TREH: variants seen among roughly 807,000 people sequenced by gnomAD.
TREH encodes alpha,alpha-trehalose glucohydrolase.
A neutral mutation model predicts 80.5 loss-of-function variants in TREH; 69 were observed. That is an observed-to-expected ratio of 0.86 (90% CI 0.71 to 1.05). The LOEUF is 1.05. TREH is among the 50% of genes least tolerant of loss of function. TREH has a pLI of 0.00. For synonymous variants in TREH, 309 were observed against 293.5 expected, an observed-to-expected ratio of 1.05 and a Z score of -0.54; for missense variants, 716 against 718.8, an observed-to-expected ratio of 1.00 and a Z score of 0.04.
At position 118,657,999 on chromosome 11, in the gene TREH, G is replaced by C. The variant is rs1457382119; in HGVS notation, c.*290C>G. On this transcript the variant is annotated 3_prime_UTR_variant, in exon 15 of 15. Coordinates refer to ENST00000264029, the MANE Select transcript of TREH (RefSeq NM_007180.3). ...GTTTTCAGTATTTGTAAGCATTTCA[G>C]CAGAACAATAAAGCCTTTGGACTAC... The C allele has an allele frequency of 4.7e-6, 2 of 424,584 alleles. No homozygotes were observed. The highest frequency in any genetic ancestry group is 2.0e-5 in the African/African-American group (1 of 51,120). 26.3% of individuals were successfully genotyped at this position (424,584 alleles called of 1,614,324 possible).
At chr11:118,659,298 TC>T in intron 12 of TREH, 71 bp downstream of exon 12, 2 of 1,304,676 alleles carry the variant, frequency 1.5e-6, no homozygotes. Context: ...TGTTCATGCC[TC>T]CCCAGCACCA....
rs2137267424 is a variant in TREH, at chr11:118,663,158, G to T, written c.229C>A (p.His77Asn). 6.2e-7 allele frequency: 1 copy of T among 1,613,592 alleles called. No homozygotes were observed. The highest frequency in any genetic ancestry group is 1.3e-5 in the African/African-American group (1 of 75,058). Residue 77 changes from histidine (H) to asparagine (N), a missense_variant, in exon 3 of 15, where the codon CAC becomes AAC. His to Asn is a moderately conservative substitution (Grantham distance 68). Transcript: ENST00000264029. ...TGCTCCCTGGGGATGCTGTGATTGT[G>T]GTCCCTGGACAGCTCAGTGAAGGTC... ...LQTFTELSRD[H>N]NHSIPREQLQ...
At chr11:118,676,541 G>C (rs1949480608) in intron 1 of TREH, among the ~76,000 whole-genome samples, 2 of 142,106 alleles carry the variant, frequency 1.4e-5, no homozygotes, top group South Asian at 4.7e-4. Flanking sequence ...GCCAAGGTGG[G>C]TGGATTGCTT....
intron 1 of TREH, among the ~76,000 whole-genome samples, chr11:118,665,179 T>C (rs997922630): frequency 1.3e-5 from 2 of 152,064 alleles, no homozygotes; most frequent in Admixed American, 1.3e-4. Flanking sequence ...TTGGTTGGAT[T>C]CCCCTAATTT....
chr11:118,658,830 C>T (rs1423387750), intron 13 of TREH, 75 bp downstream of exon 13: 6 of 1,606,714 alleles, frequency 3.7e-6, no homozygotes, highest in African/African-American at 2.7e-5. Context: ...CTCTGCCTGC[C>T]CAGCAGCCCC....
chr11:118,658,367 G>A lies in TREH; in HGVS notation c.1674C>T (p.Ala558=). ...DRYGDRLTSG[A]KLAFLEPHCL... ...AGTGGGGCTCCAGGAAAGCCAGCTTGGCCCCTGAGGTCAGCCGGTCACCAT... is the reference window on the plus strand; with the variant it reads ...AGTGGGGCTCCAGGAAAGCCAGCTTAGCCCCTGAGGTCAGCCGGTCACCAT... The change falls in exon 15 of 15, where the codon GCC becomes GCT. Residue 558 remains alanine, a synonymous_variant. Transcript: ENST00000264029. The A allele has an allele frequency of 6.2e-7, 1 of 1,606,856 alleles. No homozygotes were observed. The highest frequency in any genetic ancestry group is 8.5e-7 in the Non-Finnish European group (1 of 1,177,414).
At position 118,679,564 on chromosome 11, in the gene TREH, C is replaced by T; in HGVS notation, c.64G>A (p.Glu22Lys). The part of the protein sequence containing the change: ...LLLGLGLGSQ[E>K]ALPPPCESEI... ...CTCTCACAGGGTGGGGGTAGGGCCT[C>T]CTGGGACCCCAGTCCCAGCCCCAGC... is the stretch of plus-strand genomic sequence containing the variant. Residue 22 changes from glutamate to lysine, a missense_variant, in exon 1 of 15, where the codon GAG (glutamate) becomes AAG (lysine). Physicochemically the swap from Glu to Lys is moderately conservative, Grantham distance 56 (BLOSUM62 1). Transcript: ENST00000264029. 2 of 1,548,848 alleles carry T rather than the reference C, an allele frequency of 1.3e-6. No individual in the cohort carries two copies. Among genetic ancestry groups the T allele is most frequent in the East Asian group, 2.4e-5 (1 of 42,012 alleles).
Position 118,661,999 on chromosome 11 carries a change from G to C in TREH, c.424-9C>G. The C allele has an allele frequency of 3.2e-6, 5 of 1,548,772 alleles. No individual in the cohort carries two copies. In the East Asian group the frequency reaches 7.3e-5, roughly 23 times the overall value. On this transcript the variant is annotated splice_polypyrimidine_tract_variant and intron_variant, in intron 4 of 14. Transcript: ENST00000264029. The surrounding 1 kb of genome is among the most constrained non-coding windows in gnomAD (Gnocchi z 4.2). ...AGAACCTCTGGCTTCATCTGGAGTC[G>C]GGAGAGAGGGCAAGGGGAGCCTAGA...
Position 118,658,321 on chromosome 11 carries a change from G to A in TREH, c.1720C>T (p.Pro574Ser), listed in dbSNP as rs1555143713. The A allele has an allele frequency of 1.3e-6, 2 of 1,590,828 alleles. No individual in the cohort carries two copies. The highest frequency in any genetic ancestry group is 1.7e-6 in the Non-Finnish European group (2 of 1,169,686). ...GGCAGGAGGCTGAGCAGGAGGCTGG[G>A]CAGAAGGGTGGCCGCCAGGCAGTGG... ...EPHCLAATLLPSLLLSLLPW is the reference protein window; with the variant it reads ...EPHCLAATLLSSLLLSLLPW Residue 574 changes from proline (P) to serine (S), a missense_variant, in exon 15 of 15, where the codon CCC becomes TCC. Physicochemically the swap from Pro to Ser is moderately conservative, Grantham distance 74. Coordinates refer to ENST00000264029, the MANE Select transcript of TREH (RefSeq NM_007180.3).
chr11:118,679,516 TG>T, intron 1 of TREH, 22 bp downstream of exon 1: 1 of 1,472,960 alleles, frequency 6.8e-7, no homozygotes, highest in Non-Finnish European at 9.0e-7. Flanking sequence ...CATCCTCCCC[TG>T]CTGCCTTCCC....
chr11:118,667,300 T>C (rs1949386912), intron 1 of TREH, among the ~76,000 whole-genome samples: 1 of 152,146 alleles, frequency 6.6e-6, no homozygotes, highest in African/African-American at 2.4e-5. Flanking sequence ...CACCTCAGCC[T>C]CCTGAGTAGC....
At chr11:118,662,152 C>T (rs924645888) in intron 4 of TREH, among the ~76,000 whole-genome samples, 162 bp from the exon 5 acceptor site, 12 of 152,206 alleles carry the variant, frequency 7.9e-5, no homozygotes, top group African/African-American at 1.9e-4. Flanking sequence ...AAGGCCTGGC[C>T]GCTGGGAGCC....
At position 118,659,448 on chromosome 11, in the gene TREH, G is replaced by T; in HGVS notation, c.1354C>A (p.Pro452Thr). ...TGGCCTGTCTTCTGGAGAGAGGTCGGGATCCCATACTGGTAAGTCAGGATC... is the reference window on the plus strand; with the variant it reads ...TGGCCTGTCTTCTGGAGAGAGGTCGTGATCCCATACTGGTAAGTCAGGATC... ...NRILTYQYGI[P>T]TSLQKTGQQW... The change falls in exon 12 of 15, where the codon CCG becomes ACG. Residue 452 changes from proline (P) to threonine (T), a missense_variant. Transcript: ENST00000264029. The T allele has an allele frequency of 6.2e-7, 1 of 1,606,366 alleles. No homozygotes were observed. The highest frequency in any genetic ancestry group is 8.5e-7 in the Non-Finnish European group (1 of 1,176,080).
chr11:118,668,843 G>A (rs1555145948), intron 1 of TREH, among the ~76,000 whole-genome samples: 1 of 152,052 alleles, frequency 6.6e-6, no homozygotes, highest in Non-Finnish European at 1.5e-5. Flanking sequence ...GGGAGGCTGA[G>A]GCAGGAGAAT....
intron 1 of TREH, 143 bp downstream of exon 1, chr11:118,679,396 T>A (rs1268264173): frequency 1.0e-5 from 11 of 1,051,356 alleles, no homozygotes; most frequent in Non-Finnish European, 1.3e-5. Context: ...TACATAGGAA[T>A]TCTCATTTTC....
In TREH at chr11:118,661,601, T is replaced by A. The variant is rs1555144993; in HGVS notation, c.617+36A>T. ...ATGCCCGTGGCACACCTGCCTCTCC[T>A]CCCCACCTAGGCTGGAGGTGCCTGG... is the stretch of plus-strand genomic sequence containing the variant. On this transcript the variant is annotated intron_variant, in intron 6 of 14. Coordinates refer to ENST00000264029, the MANE Select transcript of TREH (RefSeq NM_007180.3). This position sits in a 1 kb window ranked among gnomAD's most constrained non-coding sequence, Gnocchi z 4.2. 2.5e-6 allele frequency: 4 copies of A among 1,613,602 alleles called. No individual in the cohort carries two copies. The highest frequency in any genetic ancestry group is 3.4e-6 in the Non-Finnish European group (4 of 1,179,704).
chr11:118,661,347 AGG>A lies in TREH; in HGVS notation c.734+44_734+45del. The A allele has an allele frequency of 6.2e-7, 1 of 1,613,884 alleles. No individual in the cohort carries two copies. On this transcript the variant is annotated intron_variant, in intron 7 of 14. Coordinates refer to ENST00000264029, the MANE Select transcript of TREH (RefSeq NM_007180.3). This position sits in a 1 kb window ranked among gnomAD's most constrained non-coding sequence, Gnocchi z 4.2. The stretch of plus-strand genomic sequence containing the variant: ...CCCATCCCCAGCCCTGAGAGGTCTG[AGG>A]GATGGGTGGGTCTGCAGAGCAGCAC...
At chr11:118,667,299 C>G (rs1037332427) in intron 1 of TREH, among the ~76,000 whole-genome samples, 3 of 152,192 alleles carry the variant, frequency 2.0e-5, no homozygotes, top group African/African-American at 7.2e-5. Context: ...CCACCTCAGC[C>G]TCCTGAGTAG....
At chr11:118,673,011 AATCT>A (rs1192494506) in intron 1 of TREH, among the ~76,000 whole-genome samples, 17 of 152,194 alleles carry the variant, frequency 1.1e-4, no homozygotes, top group East Asian at 3.9e-4. Flanking sequence ...AAAGCAGAAG[AATCT>A]ATCTAATAGG....
Sources: allele counts gnomAD v4.1 joint callset (sites outside exome capture counted in the v4.1 genomes callset), GRCh38; gene constraint gnomAD v4.1.1; non-coding constraint Gnocchi (gnomAD v3.1); transcripts MANE v1.5; gene names NCBI Gene and HGNC (gene_info 2026-07-23, HGNC 2026-07-21).